TRAM2: variants seen among roughly 807,000 people sequenced by gnomAD.
The protein encoded by TRAM2 is translocating chain-associated membrane protein 2.
TRAM2 carries 12 observed loss-of-function variants against 51.0 expected under a neutral mutation model. The observed-to-expected ratio is 0.24, with a 90% CI of 0.15 to 0.38. The LOEUF (loss-of-function observed/expected upper bound fraction) is 0.38, where lower values mean the gene tolerates loss of function less well. Ranked by LOEUF, TRAM2 falls within the 10% of genes least tolerant of loss-of-function variation. The pLI is 1.00. For missense variants in TRAM2, 361 were observed against 462.0 expected (o/e 0.78, Z 2.00); for synonymous variants, 175 against 179.4 (o/e 0.98, Z 0.20).
Position 52,504,748 on chromosome 6 carries a change from G to A in TRAM2, c.882C>T (p.Cys294=), listed in dbSNP as rs749204046. Reference sequence around the variant, plus strand: ...GGGCGGCACACACCAGCAGCAGCACGCAGAGCCTGCAGAGCAGGGGGTTAG... The same window carrying A: ...GGGCGGCACACACCAGCAGCAGCACACAGAGCCTGCAGAGCAGGGGGTTAG... ...GNFNTLFCRL[C]VLLLVCAAQA... The change falls in exon 10 of 11, where the codon TGC becomes TGT. Residue 294 remains cysteine (C), a synonymous_variant. Transcript: ENST00000182527. The A allele has an allele frequency of 1.2e-5, 19 of 1,600,628 alleles. No homozygotes were observed. The East Asian group carries it at 3.1e-4, about 26-fold the overall frequency.
rs751475371 is a variant in TRAM2 at position 52,506,151 on chromosome 6, G to C, written c.627-15C>G. On this transcript the variant is annotated splice_polypyrimidine_tract_variant and intron_variant, in intron 7 of 10. Coordinates refer to ENST00000182527, the MANE Select transcript of TRAM2 (RefSeq NM_012288.4). ...GGCGGCTCAGGCTGGGGGTGGGGAA[G>C]ACTAGACTTACATTCCCTCCAAGAT... The C allele has an allele frequency of 1.2e-6, 2 of 1,610,354 alleles. No homozygotes were observed. The highest frequency in any genetic ancestry group is 3.3e-4 in the Middle Eastern group (2 of 6,078).
intron 2 of TRAM2, among the ~76,000 whole-genome samples, chr6:52,533,935 C>CA (rs1345111461): frequency 2.0e-5 from 3 of 151,954 alleles, no homozygotes; most frequent in African/African-American, 4.8e-5. Flanking sequence ...CTACTAAATA[C>CA]AAAAAATTAG....
Position 52,502,913 on chromosome 6 carries a change from C to A in TRAM2, c.*284G>T, listed in dbSNP as rs1286717113. On this transcript the variant is annotated 3_prime_UTR_variant, in exon 11 of 11. Transcript: ENST00000182527. ...AGCAGAAAGGTGCCAGCCATGGGCG[C>A]CTGGCGTTCCAGAAAAGCCAGCACA... The A allele has an allele frequency of 1.2e-5, 5 of 430,180 alleles. No homozygotes were observed. The highest frequency in any genetic ancestry group is 6.1e-5 in the African/African-American group (3 of 49,580). The allele number at this position is 430,180 out of a possible 1,614,324, so 26.6% of individuals were successfully genotyped here.
chr6:52,551,199 A>C (rs1244433739), intron 1 of TRAM2, among the ~76,000 whole-genome samples: 1 of 152,160 alleles, frequency 6.6e-6, no homozygotes, highest in Non-Finnish European at 1.5e-5. Flanking sequence ...GACAAATATG[A>C]GTCCTGGCTT....
intron 2 of TRAM2, among the ~76,000 whole-genome samples, chr6:52,527,516 G>T (rs911173498): frequency 6.6e-6 from 1 of 151,890 alleles, no homozygotes; most frequent in Non-Finnish European, 1.5e-5. Flanking sequence ...GGTGCGGGGT[G>T]GGGTGGGGTG....
intron 6 of TRAM2, 121 bp from the exon 7 acceptor site, chr6:52,507,744 T>TC (rs1766375543): frequency 1.2e-6 from 1 of 855,490 alleles, no homozygotes; most frequent in East Asian, 2.6e-5. Context: ...TAACACACAG[T>TC]CCCATGTCCC....
At chr6:52,571,444 G>A (rs754767146) in intron 1 of TRAM2, among the ~76,000 whole-genome samples, 13 of 152,164 alleles carry the variant, frequency 8.5e-5, no homozygotes, top group Non-Finnish European at 1.3e-4. Context: ...TCCGGACAGC[G>A]CCCTCGAGAA....
intron 1 of TRAM2, among the ~76,000 whole-genome samples, chr6:52,547,767 C>T (rs895743633): frequency 9.2e-5 from 14 of 152,316 alleles, no homozygotes; most frequent in East Asian, 1.9e-4. Flanking sequence ...GGGAGGCCTC[C>T]GGTCTCCTCT....
At chr6:52,506,330 G>A (rs1289575517) in intron 7 of TRAM2, among the ~76,000 whole-genome samples, 194 bp from the exon 8 acceptor site, 3 of 151,890 alleles carry the variant, frequency 2.0e-5, no homozygotes, top group African/African-American at 4.8e-5. Flanking sequence ...TCCTAATACC[G>A]ACCCGCTGGC....
At chr6:52,549,891 G>A (rs917523982) in intron 1 of TRAM2, among the ~76,000 whole-genome samples, 2 of 152,182 alleles carry the variant, frequency 1.3e-5, no homozygotes, top group Non-Finnish European at 2.9e-5. Flanking sequence ...TTACAATCAG[G>A]AAACGTCTGT....
intron 1 of TRAM2, among the ~76,000 whole-genome samples, chr6:52,570,773 G>A (rs1234338883): frequency 7.7e-6 from 1 of 129,868 alleles, no homozygotes; most frequent in Non-Finnish European, 1.7e-5. Flanking sequence ...TCAGAGATCT[G>A]CCCCAATCCT....
At chr6:52,521,734 A>G (rs1385399933) in intron 2 of TRAM2, among the ~76,000 whole-genome samples, 1 of 150,938 alleles carries the variant, frequency 6.6e-6, no homozygotes, top group Non-Finnish European at 1.5e-5. Flanking sequence ...AATAAAACAA[A>G]ACAAAATAAA....
chr6:52,558,482 CA>C, intron 1 of TRAM2, among the ~76,000 whole-genome samples: 1 of 152,098 alleles, frequency 6.6e-6, no homozygotes, highest in Non-Finnish European at 1.5e-5. Context: ...ATTGGTTGCA[CA>C]ATGTGGATGT....
At chr6:52,511,936 G>C (rs1157104305) in intron 4 of TRAM2, among the ~76,000 whole-genome samples, 1 of 152,172 alleles carries the variant, frequency 6.6e-6, no homozygotes, top group Non-Finnish European at 1.5e-5. Flanking sequence ...AAAAGTGGAT[G>C]AGGCTCTCGG....
chr6:52,505,556 G>T, intron 9 of TRAM2, 43 bp downstream of exon 9: 1 of 1,562,186 alleles, frequency 6.4e-7, no homozygotes, highest in Non-Finnish European at 8.7e-7. Context: ...GCCAAGTTCA[G>T]GAGGCTCCCT....
intron 1 of TRAM2, among the ~76,000 whole-genome samples, chr6:52,539,416 T>C (rs1767036975): frequency 6.6e-6 from 1 of 152,088 alleles, no homozygotes; most frequent in African/African-American, 2.4e-5. Context: ...GTAAGCGAAT[T>C]TGCAAAAACA....
intron 1 of TRAM2, among the ~76,000 whole-genome samples, chr6:52,561,428 A>G (rs1043949107): frequency 1.3e-5 from 2 of 151,284 alleles, no homozygotes; most frequent in Non-Finnish European, 2.9e-5. Context: ...TACTACAGGT[A>G]TATGCCGCCA....
intron 1 of TRAM2, among the ~76,000 whole-genome samples, chr6:52,558,165 T>A (rs1029399883): frequency 3.9e-5 from 6 of 152,134 alleles, no homozygotes; most frequent in African/African-American, 1.4e-4. Flanking sequence ...CCTGCAGACT[T>A]GGCCTCCCCG....
chr6:52,522,982 G>A (rs564729498), intron 2 of TRAM2: 9 of 696,640 alleles, frequency 1.3e-5, no homozygotes, highest in South Asian at 1.2e-4. Flanking sequence ...ACCTGAGCTG[G>A]TGTCCACTTC....
Sources: allele counts gnomAD v4.1 joint callset (sites outside exome capture counted in the v4.1 genomes callset), GRCh38; gene constraint gnomAD v4.1.1; transcripts MANE v1.5; gene names NCBI Gene and HGNC (gene_info 2026-07-23, HGNC 2026-07-21).